Variants in USP42 observed in about 807,000 individuals in gnomAD.
USP42 encodes the protein ubiquitin specific peptidase 42.
USP42 carries 23 observed loss-of-function variants against 113.0 expected under a neutral mutation model. That is an observed-to-expected ratio of 0.20 (90% CI 0.15 to 0.29). USP42 has a LOEUF of 0.29. Among genes scored for constraint, USP42 ranks in the 10% least tolerant of loss-of-function variants. The probability of loss-of-function intolerance (pLI) is 1.00; values close to 1 mark genes in which losing one functional copy is unlikely to be tolerated. For missense variants in USP42, 2,174 were observed against 1,779.8 expected (o/e 1.22, Z -3.99); for synonymous variants, 933 against 699.0 (o/e 1.33, Z -5.28).
Position 6,140,965 on chromosome 7 carries a change from A to G in USP42, c.776A>G (p.Asp259Gly), listed in dbSNP as rs1471004317. 1.3e-6 allele frequency: 2 copies of G among 1,542,116 alleles called. No homozygotes were observed. The change falls in exon 7 of 18, where the codon GAT (aspartate) becomes GGT (glycine). Residue 259 changes from aspartate (D) to glycine (G), a missense_variant. By Grantham distance (94) the Asp-to-Gly change is moderately conservative. Coordinates refer to ENST00000306177, the MANE Select transcript of USP42 (RefSeq NM_032172.3). The part of the protein sequence containing the change: ...GVSDTFDPYL[D>G]ITLEIKAAQS... Reference sequence around the variant, plus strand: ...TCAGATACTTTTGATCCATATCTTGATATAACATTGGAGATAAAGGTAAAT... The same window carrying G: ...TCAGATACTTTTGATCCATATCTTGGTATAACATTGGAGATAAAGGTAAAT...
Position 6,111,213 on chromosome 7 carries a change from C to T in USP42, c.80C>T (p.Ser27Leu). ...QNQPGSSEAV[S>L]PGDMDAGSAS... The stretch of plus-strand genomic sequence containing the variant: ...CAGCCTGGCAGCTCCGAGGCAGTCT[C>T]ACCTGGAGACATGGATGCAGGTTCT... The change falls in exon 2 of 18, where the codon TCA becomes TTA. Residue 27 changes from serine to leucine, a missense_variant. By Grantham distance (145) the Ser-to-Leu change is moderately radical (BLOSUM62 -2). Transcript: ENST00000306177. 1.2e-6 allele frequency: 2 copies of T among 1,610,880 alleles called. No homozygotes were observed. Among genetic ancestry groups the T allele is most frequent in the East Asian group, 2.2e-5 (1 of 44,836 alleles).
At chr7:6,122,112 C>T (rs1203431241) in intron 3 of USP42, among the ~76,000 whole-genome samples, 1 of 152,072 alleles carries the variant, frequency 6.6e-6, no homozygotes, top group East Asian at 1.9e-4. Context: ...TCCATTTCTT[C>T]TGCTTACTTT....
chr7:6,149,491 G>T, intron 12 of USP42, 92 bp from the exon 13 acceptor site: 2 of 1,344,284 alleles, frequency 1.5e-6, no homozygotes, highest in Non-Finnish European at 2.0e-6. Flanking sequence ...AAAAAAAAAA[G>T]CAAAATGGGA....
At chr7:6,142,746 C>T (rs1286848100) in intron 7 of USP42, among the ~76,000 whole-genome samples, 186 bp from the exon 8 acceptor site, 4 of 151,978 alleles carry the variant, frequency 2.6e-5, no homozygotes, top group African/African-American at 9.7e-5. Context: ...TTTAGCTGGG[C>T]ATGGTGGCCA....
chr7:6,141,196 C>CTT lies in USP42; in HGVS notation c.795+215_795+216dup, dbSNP rs199589142. On this transcript the variant is annotated intron_variant, in intron 7 of 17. Transcript: ENST00000306177. ...TTATTACTCTTTGAATTTTCTTTTTCTTTTCTTTTTTTTTTTTTTTTTTTG... is the reference window on the plus strand; with the variant it reads ...TTATTACTCTTTGAATTTTCTTTTTCTTTTTTCTTTTTTTTTTTTTTTTTTTG... 8.9e-3 allele frequency among the ~76,000 whole-genome samples: 1,167 copies of CTT among 131,300 alleles called. 17 individuals are homozygous for CTT. Among genetic ancestry groups the CTT allele is most frequent in the Non-Finnish European group, 0.015 (898 of 60,816 alleles). The allele number at this position is 131,300 out of a possible 152,430, so 86.1% of individuals were successfully genotyped here.
rs541550738 is a variant in USP42, at chr7:6,119,791, C to T, written c.442+4268C>T. ...CAGTCAGAGCTCACTGCAGCCTTGA[C>T]CTCCTTGGCTCAAGGGATCCCCTTG... On this transcript the variant is annotated intron_variant, in intron 3 of 17. Transcript: ENST00000306177. Among the ~76,000 whole-genome samples the T allele has an allele frequency of 2.6e-5, 4 of 152,156 alleles. No homozygotes were observed. The South Asian group carries it at 8.3e-4, about 32-fold the overall frequency.
intron 8 of USP42, 22 bp from the exon 9 acceptor site, chr7:6,144,062 CT>C (rs1781575600): frequency 2.7e-6 from 4 of 1,457,566 alleles, no homozygotes; most frequent in Non-Finnish European, 2.8e-6. Context: ...TCTTCTTATA[CT>C]TTTGTTTCTG....
At chr7:6,119,855 T>C (rs1288700916) in intron 3 of USP42, among the ~76,000 whole-genome samples, 1 of 152,162 alleles carries the variant, frequency 6.6e-6, no homozygotes, top group East Asian at 1.9e-4. Flanking sequence ...AGGCATGTGC[T>C]ACAACACCTA....
At chr7:6,129,680 G>T (rs1212328140) in intron 3 of USP42, among the ~76,000 whole-genome samples, 14 of 152,098 alleles carry the variant, frequency 9.2e-5, no homozygotes, top group Non-Finnish European at 2.1e-4. Flanking sequence ...GGCCAACATG[G>T]TGAAACCCTG....
chr7:6,149,536 G>T, intron 12 of USP42, 47 bp from the exon 13 acceptor site: 2 of 1,556,298 alleles, frequency 1.3e-6, no homozygotes, highest in South Asian at 2.5e-5. Flanking sequence ...CTGTTTGTGT[G>T]ACCATGTTTC....
At chr7:6,083,239 T>TGC in the USP42 span, among the ~76,000 whole-genome samples, 1 of 128,534 alleles carries the variant, frequency 7.8e-6, no homozygotes, top group Admixed American at 9.0e-5. Context: ...TATTTATTTA[T>TGC]TTATTTATTT....
chr7:6,131,915 G>A (rs1169243756), intron 3 of USP42, among the ~76,000 whole-genome samples: 2 of 152,132 alleles, frequency 1.3e-5, no homozygotes, highest in Non-Finnish European at 2.9e-5. Context: ...TATTCTCATG[G>A]GGTGTAGAAT....
At chr7:6,097,907 CTT>C in the USP42 span, among the ~76,000 whole-genome samples, 7 of 103,608 alleles carry the variant, frequency 6.8e-5, no homozygotes, top group Non-Finnish European at 9.7e-5. Context: ...TCTTTCTTTT[CTT>C]TTTTTTTTTT....
At chr7:6,091,980 TC>T in the USP42 span, among the ~76,000 whole-genome samples, 9 of 24,702 alleles carry the variant, frequency 3.6e-4, no homozygotes, top group Non-Finnish European at 6.6e-4. Flanking sequence ...ACGTATTTTT[TC>T]TTCTTCTTCT....
In USP42 at chr7:6,139,468, G is replaced by T; in HGVS notation, c.656+274G>T. 1 of 291,002 alleles carries T rather than the reference G, an allele frequency of 3.4e-6. No homozygotes were observed. Among genetic ancestry groups the T allele is most frequent in the Non-Finnish European group, 6.3e-6 (1 of 157,574 alleles). The allele number at this position is 291,002 out of a possible 1,614,324, so 18.0% of individuals were successfully genotyped here. A position where few individuals can be genotyped will look rare whatever the true frequency, so the allele number is the denominator to read the frequency against. ...GCAGCTATTTAATTTCTCATTATCA[G>T]CAGACGTCTGCAGATCTCAAACTAG... On this transcript the variant is annotated intron_variant, in intron 5 of 17. Coordinates refer to ENST00000306177, the MANE Select transcript of USP42 (RefSeq NM_032172.3). This position sits in a 1 kb window ranked among gnomAD's most constrained non-coding sequence, Gnocchi z 4.5.
At chr7:6,155,676 G>A (rs1479517702) in intron 15 of USP42, among the ~76,000 whole-genome samples, 1 of 152,198 alleles carries the variant, frequency 6.6e-6, no homozygotes, top group Non-Finnish European at 1.5e-5. Flanking sequence ...GCCCAGCGTA[G>A]GCATCGGAGA....
Position 6,154,079 on chromosome 7 carries a change from GCCCGCGGGACTCGGCGTTGGCGGAAGC to G in USP42, c.2530_2556del (p.Arg844_Pro852del). ...GACGCAAAGGGGATGATCGCGGAGGGCCCGCGGGACTCGGCGTTGGCGGAAGCCCCGGAAGGGTTGAGTCCGGCTCCG... is the reference window on the plus strand; with the variant it reads ...GACGCAAAGGGGATGATCGCGGAGGGCCCGGAAGGGTTGAGTCCGGCTCCG... On this transcript the variant is annotated inframe_deletion, in exon 15 of 18. Coordinates refer to ENST00000306177, the MANE Select transcript of USP42 (RefSeq NM_032172.3). 6.2e-7 allele frequency: 1 copy of G among 1,605,842 alleles called. No individual in the cohort carries two copies. Among genetic ancestry groups the G allele is most frequent in the Non-Finnish European group, 8.5e-7 (1 of 1,179,136 alleles).
chr7:6,101,420 A>C (rs1790123999), upstream of USP42, among the ~76,000 whole-genome samples: 1 of 151,292 alleles, frequency 6.6e-6, no homozygotes, highest in Non-Finnish European at 1.5e-5. Flanking sequence ...ATTTCAATAA[A>C]GGAAACAGGT....
chr7:6,112,845 C>G (rs977989985), intron 2 of USP42, among the ~76,000 whole-genome samples: 1 of 151,870 alleles, frequency 6.6e-6, no homozygotes, highest in South Asian at 2.1e-4. Flanking sequence ...ATTGGACACC[C>G]CCTGGCTTCG....
Sources: allele counts gnomAD v4.1 joint callset (sites outside exome capture counted in the v4.1 genomes callset), GRCh38; gene constraint gnomAD v4.1.1; non-coding constraint Gnocchi (gnomAD v3.1); transcripts MANE v1.5; gene names NCBI Gene and HGNC (gene_info 2026-07-23, HGNC 2026-07-21).